Variants in AIM2 observed in about 807,000 individuals in gnomAD.
The protein encoded by AIM2 is interferon-inducible protein AIM2.
Under a neutral mutation model 27.7 loss-of-function variants are expected in AIM2, and 30 were observed. The observed-to-expected ratio is 1.08, with a 90% CI of 0.81 to 1.47. The LOEUF (loss-of-function observed/expected upper bound fraction) is 1.47, where lower values mean the gene tolerates loss of function less well. Among genes scored for constraint, AIM2 ranks in the 40% most tolerant of loss-of-function variants. The pLI is 0.00. For missense variants in AIM2, 358 were observed against 411.3 expected (o/e 0.87, Z 1.12); for synonymous variants, 141 against 145.3 (o/e 0.97, Z 0.21).
At chr1:159,132,026 C>T (rs756987858) in intron 1 of AIM2, among the ~76,000 whole-genome samples, 2 of 151,816 alleles carry the variant, frequency 1.3e-5, no homozygotes, top group Non-Finnish European at 2.9e-5. Context: ...GAAACTCAAA[C>T]TTCATGGGGG....
chr1:159,068,496 A>C, intron 3 of AIM2, 72 bp downstream of exon 3: 1 of 1,512,950 alleles, frequency 6.6e-7, no homozygotes, highest in South Asian at 1.3e-5. Flanking sequence ...AAGAACAGAG[A>C]ACAATATGGG....
intron 5 of AIM2, 67 bp from the exon 6 acceptor site, chr1:159,062,785 T>C: frequency 1.4e-6 from 2 of 1,420,970 alleles, no homozygotes; most frequent in African/African-American, 1.4e-5. Flanking sequence ...CTGTTTGCAG[T>C]CACTATGGCC....
downstream of AIM2, among the ~76,000 whole-genome samples, chr1:159,057,928 C>T (rs906692036): frequency 1.3e-5 from 2 of 152,188 alleles, no homozygotes; most frequent in African/African-American, 2.4e-5. Flanking sequence ...AACTGTTTCA[C>T]AAGGAGTCTC....
intron 1 of AIM2, among the ~76,000 whole-genome samples, chr1:159,108,957 G>C (rs1657510217): frequency 6.6e-6 from 1 of 152,094 alleles, no homozygotes; most frequent in South Asian, 2.1e-4. Flanking sequence ...TTGTGAAAAT[G>C]ACCATGCTGC....
At chr1:159,081,371 C>A, upstream of AIM2, 1 of 290,840 alleles carries the variant, frequency 3.4e-6, no homozygotes, top group Non-Finnish European at 6.9e-6. Flanking sequence ...CTTTGGAAGT[C>A]AAATTGCAAA....
chr1:159,143,885 G>A (rs1453328867), upstream of AIM2, among the ~76,000 whole-genome samples: 1 of 152,064 alleles, frequency 6.6e-6, no homozygotes, highest in African/African-American at 2.4e-5. Context: ...TCCAACGTAG[G>A]AATGACCCTG....
At chr1:159,111,213 A>G (rs1293980895) in intron 1 of AIM2, among the ~76,000 whole-genome samples, 4 of 152,210 alleles carry the variant, frequency 2.6e-5, no homozygotes. Context: ...GGTTATTCTA[A>G]CAGCAAAGTG....
chr1:159,086,649 C>T (rs1376993727), intron 1 of AIM2, among the ~76,000 whole-genome samples: 1 of 152,190 alleles, frequency 6.6e-6, no homozygotes, highest in Admixed American at 6.5e-5. Flanking sequence ...CCAGGACTTT[C>T]CATCACAGCA....
chr1:159,114,562 T>C (rs1647280569), intron 1 of AIM2, among the ~76,000 whole-genome samples: 1 of 152,106 alleles, frequency 6.6e-6, no homozygotes, highest in African/African-American at 2.4e-5. Context: ...ACAAAAAAAT[T>C]AGACAGGCAT....
upstream of AIM2, among the ~76,000 whole-genome samples, chr1:159,077,338 G>A (rs915733997): frequency 6.6e-6 from 1 of 152,238 alleles, no homozygotes; most frequent in African/African-American, 2.4e-5. Context: ...CCGGAATCGG[G>A]GTGCCACCCT....
At chr1:159,146,432 C>T (rs1385069011) in intron 1 of AIM2, among the ~76,000 whole-genome samples, 1 of 152,058 alleles carries the variant, frequency 6.6e-6, no homozygotes. Context: ...TTTCTTCTTG[C>T]CATCCCCATC....
intron 1 of AIM2, among the ~76,000 whole-genome samples, chr1:159,095,376 A>G (rs146525224): frequency 2.0e-5 from 3 of 152,214 alleles, no homozygotes; most frequent in African/African-American, 7.2e-5. Flanking sequence ...AACTCGAATC[A>G]ATTTGGTAGT....
downstream of AIM2, chr1:159,062,339 C>T (rs112873743): frequency 1.9e-3 from 562 of 289,548 alleles, 3 homozygotes; most frequent in African/African-American, 0.012. Context: ...TAACAGTGTA[C>T]TCCTAATTCT....
intron 1 of AIM2, among the ~76,000 whole-genome samples, chr1:159,109,064 A>G (rs1424757747): frequency 6.6e-6 from 1 of 152,174 alleles, no homozygotes; most frequent in African/African-American, 2.4e-5. Context: ...TAAGGAACCA[A>G]AAAACAGCTC....
chr1:159,111,487 G>C (rs972835362), intron 1 of AIM2, among the ~76,000 whole-genome samples: 2 of 152,046 alleles, frequency 1.3e-5, no homozygotes, highest in Admixed American at 1.3e-4. Context: ...GAGAGAAAGA[G>C]AACTTGCTCC....
chr1:159,135,892 C>T (rs1648002478), intron 1 of AIM2, among the ~76,000 whole-genome samples: 1 of 152,162 alleles, frequency 6.6e-6, no homozygotes, highest in Non-Finnish European at 1.5e-5. Flanking sequence ...GCTCCCCAGG[C>T]ATTTGTTTTT....
chr1:159,058,414 T>C (rs72709557), downstream of AIM2, among the ~76,000 whole-genome samples: 10,480 of 150,446 alleles, frequency 0.07, 505 homozygotes, highest in African/African-American at 0.14. Context: ...GGGAGAGACT[T>C]CATGGGCCCA....
intron 1 of AIM2, among the ~76,000 whole-genome samples, chr1:159,133,766 G>A (rs1366762790): frequency 1.3e-5 from 2 of 151,888 alleles, no homozygotes; most frequent in African/African-American, 2.4e-5. Context: ...CTACTTCTCC[G>A]ACTCCTCTTA....
At chr1:159,113,300 G>T (rs953712878) in intron 1 of AIM2, among the ~76,000 whole-genome samples, 1 of 152,088 alleles carries the variant, frequency 6.6e-6, no homozygotes, top group Non-Finnish European at 1.5e-5. Flanking sequence ...TTTTATTTAG[G>T]AACTCTTCCC....
Sources: allele counts gnomAD v4.1 joint callset (sites outside exome capture counted in the v4.1 genomes callset), GRCh38; gene constraint gnomAD v4.1.1; transcripts MANE v1.5; gene names NCBI Gene and HGNC (gene_info 2026-07-23, HGNC 2026-07-21).